The following CSMD1 variants were observed in gnomAD, a reference collection of about 807,000 sequenced individuals.
CSMD1 encodes CUB and Sushi multiple domains 1.
Under a neutral mutation model 417.5 loss-of-function variants are expected in CSMD1, and 213 were observed. That is an observed-to-expected ratio of 0.51 (90% CI 0.46 to 0.57). The LOEUF (loss-of-function observed/expected upper bound fraction) is 0.57. CSMD1 is among the 20% of genes least tolerant of loss of function. The probability of loss-of-function intolerance (pLI) is 0.00; values close to 1 mark genes in which losing one functional copy is unlikely to be tolerated. For synonymous variants in CSMD1, 2,862 were observed against 1,736.8 expected, an observed-to-expected ratio of 1.65 and a Z score of -16.11; for missense variants, 6,923 against 4,529.7, an observed-to-expected ratio of 1.53 and a Z score of -15.17.
intron 1 of CSMD1, among the ~76,000 whole-genome samples, chr8:4,966,693 A>G (rs1458339007): frequency 1.3e-5 from 2 of 152,352 alleles, no homozygotes; most frequent in African/African-American, 2.4e-5. Flanking sequence ...CACTCAAATT[A>G]TCCTTCTAAT....
At chr8:3,359,858 C>G (rs1368818017) in intron 20 of CSMD1, among the ~76,000 whole-genome samples, 1 of 151,984 alleles carries the variant, frequency 6.6e-6, no homozygotes, top group Non-Finnish European at 1.5e-5. Context: ...TCACATGCAC[C>G]CCATAAATGT....
intron 26 of CSMD1, among the ~76,000 whole-genome samples, chr8:3,235,146 T>C (rs1243918157): frequency 6.6e-6 from 1 of 152,164 alleles, no homozygotes; most frequent in Non-Finnish European, 1.5e-5. Flanking sequence ...ACAGTGATAG[T>C]CACTGTAAAT....
At chr8:3,312,571 C>G (rs1805432785) in intron 23 of CSMD1, among the ~76,000 whole-genome samples, 1 of 152,148 alleles carries the variant, frequency 6.6e-6, no homozygotes, top group Non-Finnish European at 1.5e-5. Context: ...TTTGATGGTT[C>G]ACACACAGTT....
intron 1 of CSMD1, among the ~76,000 whole-genome samples, chr8:4,892,043 T>C (rs868782099): frequency 3.9e-5 from 6 of 152,186 alleles, no homozygotes; most frequent in Middle Eastern, 3.4e-3. Flanking sequence ...GATGTAGAAA[T>C]AAACATTCTG....
intron 49 of CSMD1, among the ~76,000 whole-genome samples, chr8:3,078,456 T>A (rs968078452): frequency 6.6e-6 from 1 of 152,214 alleles, no homozygotes; most frequent in South Asian, 2.1e-4. Context: ...GCCTGACATA[T>A]AATTTGCAAA....
intron 5 of CSMD1, among the ~76,000 whole-genome samples, chr8:3,812,858 TG>T (rs1351152919): frequency 6.6e-6 from 1 of 152,184 alleles, no homozygotes; most frequent in East Asian, 1.9e-4. Context: ...CATCCTGAAT[TG>T]GCCAACGAGG....
intron 5 of CSMD1, among the ~76,000 whole-genome samples, chr8:3,986,370 A>G (rs1333251222): frequency 6.6e-6 from 1 of 152,116 alleles, no homozygotes; most frequent in Non-Finnish European, 1.5e-5. Flanking sequence ...AGACACCCCC[A>G]GCCAACCTTC....
intron 2 of CSMD1, among the ~76,000 whole-genome samples, chr8:4,530,839 T>A (rs75986020): frequency 6.6e-6 from 1 of 152,004 alleles, no homozygotes; most frequent in African/African-American, 2.4e-5. Context: ...GGCAGCGCTT[T>A]CTTTTCCTTA....
intron 3 of CSMD1, among the ~76,000 whole-genome samples, chr8:4,125,169 A>G (rs948007876): frequency 1.3e-5 from 2 of 152,118 alleles, no homozygotes; most frequent in Admixed American, 6.6e-5. Flanking sequence ...CAAAAGGAAG[A>G]TAACTCTTGG....
chr8:4,426,358 C>G (rs1464570450), intron 2 of CSMD1, among the ~76,000 whole-genome samples: 1 of 149,664 alleles, frequency 6.7e-6, no homozygotes, highest in East Asian at 2.0e-4. Context: ...TTTTGAAAAT[C>G]CTTTTTATAT....
At chr8:3,754,972 A>ACC (rs1554532785) in intron 5 of CSMD1, among the ~76,000 whole-genome samples, 27 of 152,190 alleles carry the variant, frequency 1.8e-4, no homozygotes, top group Non-Finnish European at 2.8e-4. Context: ...CAGTGCATTC[A>ACC]TTTTAAAAAT....
At chr8:3,019,330 A>G (rs771345420) in intron 51 of CSMD1, among the ~76,000 whole-genome samples, 5 of 152,196 alleles carry the variant, frequency 3.3e-5, no homozygotes, top group Non-Finnish European at 7.3e-5. Flanking sequence ...TAAATTGTCT[A>G]TCTCTCTACC....
chr8:3,399,897 A>G (rs994478735), intron 15 of CSMD1, among the ~76,000 whole-genome samples: 4 of 152,234 alleles, frequency 2.6e-5, no homozygotes, highest in Admixed American at 1.3e-4. Context: ...AAGCAAATGT[A>G]AAATGACCTT....
intron 5 of CSMD1, among the ~76,000 whole-genome samples, chr8:3,983,688 C>A (rs756534740): frequency 6.6e-6 from 1 of 152,238 alleles, no homozygotes; most frequent in Non-Finnish European, 1.5e-5. Flanking sequence ...AGGACAAGTT[C>A]TAATCCCATG....
chr8:4,214,553 C>G (rs1169292042), intron 3 of CSMD1, among the ~76,000 whole-genome samples: 1 of 152,188 alleles, frequency 6.6e-6, no homozygotes, highest in Admixed American at 6.5e-5. Context: ...CTGACTTGGC[C>G]TCCCAAAGTG....
At chr8:3,321,350 G>C (rs1806141593) in intron 23 of CSMD1, among the ~76,000 whole-genome samples, 1 of 152,124 alleles carries the variant, frequency 6.6e-6, no homozygotes, top group South Asian at 2.1e-4. Flanking sequence ...CCGTAGTATT[G>C]TCCAGATCCT....
rs990029693 is a variant in CSMD1 at position 4,766,386 on chromosome 8, C to T, written c.86-128828G>A. ...GAAGAAATTAGGTTTGTGGATTGAA[C>T]GAGAACATCGTCCAAAGCCGTGAGA... On this transcript the variant is annotated intron_variant, in intron 1 of 69. Coordinates refer to ENST00000635120, the MANE Select transcript of CSMD1 (RefSeq NM_033225.6). Among the ~76,000 whole-genome samples the T allele has an allele frequency of 4.6e-5, 7 of 152,228 alleles. No homozygotes were observed. The East Asian group carries it at 9.7e-4, about 21-fold the overall frequency.
chr8:4,096,084 GT>G (rs1406938522), intron 3 of CSMD1, among the ~76,000 whole-genome samples: 1 of 152,056 alleles, frequency 6.6e-6, no homozygotes. Flanking sequence ...TATGTTATAT[GT>G]TATCACAAGA....
chr8:4,600,683 A>G (rs1348431013), intron 2 of CSMD1, among the ~76,000 whole-genome samples: 1 of 152,178 alleles, frequency 6.6e-6, no homozygotes, highest in African/African-American at 2.4e-5. Context: ...TTATTTCACA[A>G]AAATAGGGGA....
Sources: gnomAD v4.1 joint callset for allele counts (sites outside exome capture counted in the v4.1 genomes callset) on GRCh38, gnomAD v4.1.1 for gene constraint, MANE v1.5 for transcripts, NCBI Gene and HGNC (gene_info 2026-07-23, HGNC 2026-07-21) for gene names.